Variants in IRAK1 observed in about 807,000 individuals in gnomAD.
IRAK1 encodes interleukin 1 receptor associated kinase 1.
IRAK1 carries 9 observed loss-of-function variants against 49.8 expected under a neutral mutation model. The ratio of observed to expected loss-of-function variants is 0.18; its 90% CI spans 0.11 to 0.32. IRAK1 has a LOEUF of 0.32. Among genes scored for constraint, IRAK1 ranks in the 10% least tolerant of loss-of-function variants. The probability of loss-of-function intolerance (pLI) is 1.00; values close to 1 mark genes in which losing one functional copy is unlikely to be tolerated. For missense variants in IRAK1, 418 were observed against 600.5 expected (o/e 0.70, Z 3.18); for synonymous variants, 282 against 270.8 (o/e 1.04, Z -0.41).
Position 154,014,092 on chromosome X carries a change from C to A in IRAK1, c.1489G>T (p.Ala497Ser). Residue 497 changes from alanine (A) to serine (S), a missense_variant, in exon 11 of 14, where the codon GCC (alanine) becomes TCC (serine). By Grantham distance (99) the Ala-to-Ser change is moderately conservative. Around this residue, in one of 3 missense-constraint regions of IRAK1, gnomAD observed 377 missense variants for 499.5 expected, o/e 0.75. Coordinates refer to ENST00000369980, the MANE Select transcript of IRAK1 (RefSeq NM_001569.4). ...PELGLGLGQL[A>S]CCCLHRRAKR... ...GCCCGGCGGTGCAGGCAGCAGCAGGCCAGCTGGCCCAGGCCCAGGCCCAGC... is the reference window on the plus strand; with the variant it reads ...GCCCGGCGGTGCAGGCAGCAGCAGGACAGCTGGCCCAGGCCCAGGCCCAGC... The A allele has an allele frequency of 8.4e-7, 1 of 1,192,646 alleles. No individual in the cohort carries two copies. The highest frequency in any genetic ancestry group is 1.1e-6 in the Non-Finnish European group (1 of 890,008).
intron 12 of IRAK1, among the ~76,000 whole-genome samples, 173 bp from the exon 13 acceptor site, chrX:154,012,851 G>C (rs1022757921): frequency 1.2e-4 from 13 of 112,697 alleles, no homozygotes; most frequent in African/African-American, 4.2e-4. Flanking sequence ...GGAATGGGGT[G>C]GGGGGAGGGC....
chrX:154,017,928 T>C, intron 7 of IRAK1, 78 bp downstream of exon 7: 1 of 676,048 alleles, frequency 1.5e-6, no homozygotes, highest in Non-Finnish European at 2.3e-6. Context: ...CTGAAAGCCC[T>C]AGGCCCCGCG....
chrX:154,016,424 G>A lies in IRAK1; in HGVS notation c.1236+13C>T, dbSNP rs1557129178. On this transcript the variant is annotated intron_variant, in intron 9 of 13. Transcript: ENST00000369980. ...TCTCCTCCTCTGAGCCAGCAGAGGG[G>A]TCAGTGGCTCACCACCCCAAAGCTG... 1 of 1,200,607 alleles carries A rather than the reference G, an allele frequency of 8.3e-7. No individual in the cohort carries two copies. Among genetic ancestry groups the A allele is most frequent in the Non-Finnish European group, 1.1e-6 (1 of 885,459 alleles).
In IRAK1 at chrX:154,010,938, C is replaced by T. The variant is rs1557127233; in HGVS notation, c.*921G>A. 2 of 342,334 alleles carry T rather than the reference C, an allele frequency of 5.8e-6. No homozygotes were observed. The highest frequency in any genetic ancestry group is 5.2e-5 in the South Asian group (2 of 38,555). 28.2% of individuals were successfully genotyped at this position (342,334 alleles called of 1,213,427 possible). A position where few individuals can be genotyped will look rare whatever the true frequency, so the allele number is the denominator to read the frequency against. ...GGATGGCCTGGCTTGCAGGCCACCA[C>T]ATTAGGCCAGCTCGCAGGTCCCCAG... On this transcript the variant is annotated 3_prime_UTR_variant, in exon 14 of 14. Transcript: ENST00000369980.
At position 154,016,536 on chromosome X, in the gene IRAK1, G is replaced by A. The variant is rs781954872; in HGVS notation, c.1137C>T (p.Ala379=). The part of the protein sequence containing the change: ...GSSPSQSSMV[A]RTQTVRGTLA... ...GGGTGCCCCGCACTGTCTGTGTCCG[G>A]GCCACCATGCTGCTCTGGCTGGGGC... is the stretch of plus-strand genomic sequence containing the variant. The change falls in exon 9 of 14, where the codon GCC becomes GCT. Residue 379 remains alanine (A), a synonymous_variant. Transcript: ENST00000369980. 14 of 1,211,831 alleles carry A rather than the reference G, an allele frequency of 1.2e-5. No homozygotes were observed. Among genetic ancestry groups the A allele is most frequent in the Non-Finnish European group, 1.3e-5 (12 of 895,107 alleles).
At position 154,013,183 on chromosome X, in the gene IRAK1, G is replaced by A; in HGVS notation, c.1790C>T (p.Ala597Val). 1 of 1,209,582 alleles carries A rather than the reference G, an allele frequency of 8.3e-7. No individual in the cohort carries two copies. Among genetic ancestry groups the A allele is most frequent in the Non-Finnish European group, 1.1e-6 (1 of 895,148 alleles). ...ESDESLGGLS[A>V]ALRSWHLTPS... ...AGTCAAGTGCCAGGAGCGCAGGGCA[G>A]CAGAGAGGCCGCCTAGGCTCTCGTC... is the stretch of plus-strand genomic sequence containing the variant. The change falls in exon 12 of 14, where the codon GCT (alanine) becomes GTT (valine). Residue 597 changes from alanine to valine, a missense_variant. Around this residue, in one of 3 missense-constraint regions of IRAK1, gnomAD observed 377 missense variants for 499.5 expected, o/e 0.75. Coordinates refer to ENST00000369980, the MANE Select transcript of IRAK1 (RefSeq NM_001569.4).
In IRAK1 at chrX:154,016,089, T is replaced by C; in HGVS notation, c.1245A>G (p.Leu415=). Residue 415 remains leucine, a synonymous_variant, in exon 10 of 14, where the codon CTA becomes CTG. Coordinates refer to ENST00000369980, the MANE Select transcript of IRAK1 (RefSeq NM_001569.4). ...TDTFSFGVVV[L]ETLAGQRAVK... is the part of the protein sequence containing the mutation. ...CAGCCCTCTGACCAGCCAAGGTCTC[T>C]AGCACTACCTGGAGAGAGGGAAGAG... 8.3e-7 allele frequency: 1 copy of C among 1,206,172 alleles called. No homozygotes were observed. Among genetic ancestry groups the C allele is most frequent in the Non-Finnish European group, 1.1e-6 (1 of 890,272 alleles).
At position 154,019,617 on chromosome X, in the gene IRAK1, C is replaced by T. The variant is rs373710116; in HGVS notation, c.137-19G>A. 5.7e-3 allele frequency: 5,628 copies of T among 979,163 alleles called. 19 individuals are homozygous for T. Among genetic ancestry groups the T allele is most frequent in the Non-Finnish European group, 6.8e-3 (5,287 of 783,079 alleles). 80.7% of individuals were successfully genotyped at this position (979,163 alleles called of 1,213,427 possible). On this transcript the variant is annotated intron_variant, in intron 1 of 13. Coordinates refer to ENST00000369980, the MANE Select transcript of IRAK1 (RefSeq NM_001569.4). ...AGGGCGGCTGCGGGGCGGGGGGCGT[C>T]AGGCGTCGGCGCCAGGAGCCCGCGC...
At position 154,018,680 on chromosome X, in the gene IRAK1, G is replaced by C. The variant is rs2085476894; in HGVS notation, c.648C>G (p.Leu216=). Reference sequence around the variant, plus strand: ...ACCCAAAGCCACCCTCCCCGATCTTGAGCTCCTCCGAGAAGTTGTGGGTGC... The same window carrying C: ...ACCCAAAGCCACCCTCCCCGATCTTCAGCTCCTCCGAGAAGTTGTGGGTGC... ...SRGTHNFSEE[L]KIGEGGFGCV... is the part of the protein sequence containing the mutation. The change falls in exon 5 of 14, where the codon CTC becomes CTG. Residue 216 remains leucine (L), a synonymous_variant. Transcript: ENST00000369980. 2.5e-6 allele frequency: 3 copies of C among 1,200,806 alleles called. No individual in the cohort carries two copies. The highest frequency in any genetic ancestry group is 3.4e-6 in the Non-Finnish European group (3 of 885,956).
intron 4 of IRAK1, 79 bp from the exon 5 acceptor site, chrX:154,018,866 G>A: frequency 1.3e-6 from 1 of 793,367 alleles, no homozygotes; most frequent in Non-Finnish European, 1.8e-6. Context: ...CCCCACCACA[G>A]CTGCCTCCCA....
chrX:154,018,185 C>G, intron 6 of IRAK1, 65 bp from the exon 7 acceptor site: 1 of 1,086,831 alleles, frequency 9.2e-7, no homozygotes, highest in Non-Finnish European at 1.3e-6. Context: ...GCTGGGGCCT[C>G]AGCTCGCCCG....
Position 154,019,222 on chromosome X carries a change from G to A in IRAK1, c.411C>T (p.Ser137=), listed in dbSNP as rs782367012. The change falls in exon 3 of 14, where the codon TCC becomes TCT. Residue 137 remains serine, a synonymous_variant. Transcript: ENST00000369980. ...CTGGGGAGAGGAAGGTGGAGGCTGA[G>A]GATGGCAACTTCCGGGGGCTCCAGG... is the stretch of plus-strand genomic sequence containing the variant. ...AEAWSPRKLP[S]SASTFLSPAF... The A allele has an allele frequency of 5.0e-6, 6 of 1,210,959 alleles. No homozygotes were observed. Among genetic ancestry groups the A allele is most frequent in the Non-Finnish European group, 6.7e-6 (6 of 895,090 alleles).
Position 154,011,033 on chromosome X carries a change from C to T in IRAK1, c.*826G>A. 1 of 342,834 alleles carries T rather than the reference C, an allele frequency of 2.9e-6. No individual in the cohort carries two copies. The highest frequency in any genetic ancestry group is 5.9e-6 in the Non-Finnish European group (1 of 170,268). 28.3% of individuals were successfully genotyped at this position (342,834 alleles called of 1,213,427 possible). A position where few individuals can be genotyped will look rare whatever the true frequency, so the allele number is the denominator to read the frequency against. ...CGACTTTCTGGAGGATCTCAGAATTCTCGCTTCTTGCTAGGACTGAACCAT... is the reference window on the plus strand; with the variant it reads ...CGACTTTCTGGAGGATCTCAGAATTTTCGCTTCTTGCTAGGACTGAACCAT... On this transcript the variant is annotated 3_prime_UTR_variant, in exon 14 of 14. Coordinates refer to ENST00000369980, the MANE Select transcript of IRAK1 (RefSeq NM_001569.4).
At position 154,013,098 on chromosome X, in the gene IRAK1, C is replaced by T. The variant is rs1440801144; in HGVS notation, c.1875G>A (p.Thr625=). ...CACTCCCCCAGCTCGATTCTCCTGCCGTGTCCCCCTGAGGACAGCCGGCCT... is the reference window on the plus strand; with the variant it reads ...CACTCCCCCAGCTCGATTCTCCTGCTGTGTCCCCCTGAGGACAGCCGGCCT... ...LREAGCPQGD[T]AGESSWGSGP... is the part of the protein sequence containing the mutation. Residue 625 remains threonine, a synonymous_variant, in exon 12 of 14, where the codon ACG becomes ACA. Coordinates refer to ENST00000369980, the MANE Select transcript of IRAK1 (RefSeq NM_001569.4). 8 of 1,209,241 alleles carry T rather than the reference C, an allele frequency of 6.6e-6. No individual in the cohort carries two copies. The highest frequency in any genetic ancestry group is 1.8e-5 in the South Asian group (1 of 56,862).
Position 154,011,131 on chromosome X carries a change from C to T in IRAK1, c.*728G>A, listed in dbSNP as rs2065694946. The T allele has an allele frequency of 3.0e-6, 1 of 336,552 alleles. No homozygotes were observed. Among genetic ancestry groups the T allele is most frequent in the Non-Finnish European group, 5.9e-6 (1 of 169,425 alleles). The allele number at this position is 336,552 out of a possible 1,213,427, so 27.7% of individuals were successfully genotyped here. A position where few individuals can be genotyped will look rare whatever the true frequency, so the allele number is the denominator to read the frequency against. ...ACAGGGTCTTGCTCTGTCACCCAGG[C>T]TGGAGTGCAGTCATACAATCATGAC... On this transcript the variant is annotated 3_prime_UTR_variant, in exon 14 of 14. Coordinates refer to ENST00000369980, the MANE Select transcript of IRAK1 (RefSeq NM_001569.4).
In IRAK1 at chrX:154,018,046, A is replaced by T. The variant is rs782127821; in HGVS notation, c.869T>A (p.Phe290Tyr). 2.5e-6 allele frequency: 3 copies of T among 1,211,179 alleles called. No individual in the cohort carries two copies. The South Asian group carries it at 5.3e-5, about 21-fold the overall frequency. ...GTCCTCCAGGGAGCCGTTGGGCAGG[A>T]AGCCGTACACCAGGCAGTAGAAGCC... ...QNGFYCLVYGFLPNGSLEDRL... is the reference protein window; with the variant it reads ...QNGFYCLVYGYLPNGSLEDRL... The change falls in exon 7 of 14, where the codon TTC becomes TAC. Residue 290 changes from phenylalanine (F) to tyrosine (Y), a missense_variant. This residue lies in a region of IRAK1 where 377 missense variants were observed against 499.5 expected (regional missense o/e 0.75). Transcript: ENST00000369980.
intron 11 of IRAK1, 23 bp from the exon 12 acceptor site, chrX:154,013,456 C>T: frequency 8.6e-7 from 1 of 1,157,104 alleles, no homozygotes; most frequent in Non-Finnish European, 1.1e-6. Flanking sequence ...AAGAGGGACT[C>T]TCAGGGTGAG....
chrX:154,015,096 G>C (rs1350930198), intron 10 of IRAK1, among the ~76,000 whole-genome samples: 2 of 112,419 alleles, frequency 1.8e-5, no homozygotes, highest in Non-Finnish European at 3.8e-5. Flanking sequence ...TTTTCTCGCA[G>C]AGCGAACGGC....
chrX:154,011,193 T>C lies in IRAK1; in HGVS notation c.*666A>G, dbSNP rs904657738. ...TCGACCTCCCAAGCATAAATGATCC[T>C]CCTACTTCAGCCTCCCCAGCAGCTG... On this transcript the variant is annotated 3_prime_UTR_variant, in exon 14 of 14. Coordinates refer to ENST00000369980, the MANE Select transcript of IRAK1 (RefSeq NM_001569.4). The C allele has an allele frequency of 2.3e-4, 71 of 307,543 alleles. No individual in the cohort carries two copies. Among genetic ancestry groups the C allele is most frequent in the Non-Finnish European group, 4.5e-5 (7 of 156,421 alleles). The allele number at this position is 307,543 out of a possible 1,213,427, so 25.3% of individuals were successfully genotyped here.
Sources: gnomAD v4.1 joint callset for allele counts (sites outside exome capture counted in the v4.1 genomes callset) on GRCh38, gnomAD v4.1.1 for gene constraint, gnomAD v4.1.1 regional missense constraint, MANE v1.5 for transcripts, NCBI Gene and HGNC (gene_info 2026-07-23, HGNC 2026-07-21) for gene names.